The following PDGFC variants were observed in gnomAD, a reference collection of about 807,000 sequenced individuals.
PDGFC encodes platelet derived growth factor C.
In PDGFC, 12 loss-of-function variants were observed where a neutral mutation model predicts 35.5. The ratio of observed to expected loss-of-function variants is 0.34; its 90% CI spans 0.22 to 0.55. The LOEUF is 0.55. Among genes scored for constraint, PDGFC ranks in the 20% least tolerant of loss-of-function variants. The pLI, the probability that PDGFC is intolerant of heterozygous loss-of-function variation, is 0.91. For synonymous variants in PDGFC, 159 were observed against 148.8 expected (o/e 1.07, Z -0.50); for missense variants, 322 against 412.4 (o/e 0.78, Z 1.90).
intron 1 of PDGFC, among the ~76,000 whole-genome samples, chr4:156,865,023 C>T (rs1437401844): frequency 6.6e-6 from 1 of 152,072 alleles, no homozygotes; most frequent in Non-Finnish European, 1.5e-5. Flanking sequence ...AGTGTTCACA[C>T]AATAGAATAT....
intron 1 of PDGFC, among the ~76,000 whole-genome samples, chr4:156,926,934 T>A (rs1204225816): frequency 3.3e-5 from 5 of 152,192 alleles, no homozygotes; most frequent in African/African-American, 1.2e-4. Flanking sequence ...AGGTTCTCCA[T>A]GACAGCCCCA....
rs79032025 is a variant in PDGFC at position 156,786,483 on chromosome 4, G to A, written c.496-13590C>T. 8.8e-3 allele frequency among the ~76,000 whole-genome samples: 1,344 copies of A among 152,212 alleles called. 17 individuals carry two copies. Among genetic ancestry groups the A allele is most frequent in the Non-Finnish European group, 0.013 (882 of 68,012 alleles). ...GTGAGGAAGATTATCCCATGAATAT[G>A]GAATATCAGGGCAAATAATCTGTTT... On this transcript the variant is annotated intron_variant, in intron 3 of 5. Transcript: ENST00000502773.
At chr4:156,946,550 G>C (rs984674060) in intron 1 of PDGFC, among the ~76,000 whole-genome samples, 1 of 152,014 alleles carries the variant, frequency 6.6e-6, no homozygotes, top group Non-Finnish European at 1.5e-5. Context: ...CCTTTTCTGA[G>C]GTAATAGTGA....
chr4:156,938,757 TAA>T (rs1318032290), intron 1 of PDGFC, among the ~76,000 whole-genome samples: 1 of 151,810 alleles, frequency 6.6e-6, no homozygotes, highest in Non-Finnish European at 1.5e-5. Context: ...AGGAAAAATC[TAA>T]AAGTTATCTA....
intron 1 of PDGFC, among the ~76,000 whole-genome samples, chr4:156,964,517 GATT>G (rs1490852093): frequency 1.3e-5 from 2 of 150,728 alleles, no homozygotes; most frequent in African/African-American, 2.4e-5. Context: ...TGACTAATGT[GATT>G]ATTATGAGAT....
intron 1 of PDGFC, among the ~76,000 whole-genome samples, chr4:156,854,284 T>C (rs1462161102): frequency 6.6e-6 from 1 of 152,184 alleles, no homozygotes; most frequent in Non-Finnish European, 1.5e-5. Flanking sequence ...GGCATATAAT[T>C]GAGAAAACTA....
At chr4:156,870,700 G>C (rs750852000) in intron 1 of PDGFC, among the ~76,000 whole-genome samples, 7 of 152,122 alleles carry the variant, frequency 4.6e-5, no homozygotes, top group Non-Finnish European at 8.8e-5. Context: ...CTAAGCCGTT[G>C]ATGTATAAAC....
At chr4:156,897,064 TAAAG>T (rs780874232) in intron 1 of PDGFC, among the ~76,000 whole-genome samples, 1 of 152,090 alleles carries the variant, frequency 6.6e-6, no homozygotes, top group South Asian at 2.1e-4. Flanking sequence ...TTTGCAGTAA[TAAAG>T]AAATCTTAAA....
chr4:156,861,102 T>C (rs1729700058), intron 1 of PDGFC, among the ~76,000 whole-genome samples: 1 of 152,054 alleles, frequency 6.6e-6, no homozygotes, highest in Non-Finnish European at 1.5e-5. Flanking sequence ...CTCTAACATG[T>C]CAGAGAATAT....
intron 1 of PDGFC, among the ~76,000 whole-genome samples, chr4:156,917,393 T>A (rs1045320344): frequency 6.6e-6 from 1 of 152,214 alleles, no homozygotes; most frequent in Non-Finnish European, 1.5e-5. Context: ...ATAAGGCAGA[T>A]GGGCTTTATC....
At chr4:156,911,236 T>C (rs1731032216) in intron 1 of PDGFC, among the ~76,000 whole-genome samples, 1 of 152,146 alleles carries the variant, frequency 6.6e-6, no homozygotes, top group Non-Finnish European at 1.5e-5. Context: ...ATGTATTACA[T>C]CTCACTTAAA....
Position 156,815,811 on chromosome 4 carries a change from A to G in PDGFC, c.315-4794T>C, listed in dbSNP as rs970338599. Among the ~76,000 whole-genome samples, 30 of 152,292 alleles carry G rather than the reference A, an allele frequency of 2.0e-4. No individual in the cohort carries two copies. In the East Asian group the frequency reaches 5.6e-3, roughly 28 times the overall value. On this transcript the variant is annotated intron_variant, in intron 2 of 5. Transcript: ENST00000502773. The stretch of plus-strand genomic sequence containing the variant: ...CACAATTGGCCACGTCAGTATTTAA[A>G]GGATTTACTAAACCTATTTTATGAG...
intron 3 of PDGFC, among the ~76,000 whole-genome samples, chr4:156,799,217 C>T (rs1731530068): frequency 6.6e-6 from 1 of 152,136 alleles, no homozygotes; most frequent in Non-Finnish European, 1.5e-5. Context: ...AGGCATCAGC[C>T]AGGTATTTCC....
chr4:156,933,755 G>C (rs989733097), intron 1 of PDGFC, among the ~76,000 whole-genome samples: 4 of 152,062 alleles, frequency 2.6e-5, no homozygotes, highest in Admixed American at 6.6e-5. Flanking sequence ...TGTTGTTCTT[G>C]TGATAGAGAA....
At chr4:156,877,806 T>A (rs1730150565) in intron 1 of PDGFC, among the ~76,000 whole-genome samples, 1 of 152,124 alleles carries the variant, frequency 6.6e-6, no homozygotes, top group Non-Finnish European at 1.5e-5. Context: ...ACCCAACCTC[T>A]CCCCGGCAAC....
In PDGFC at chr4:156,778,941, C is replaced by T. The variant is rs72974657; in HGVS notation, c.496-6048G>A. The T allele has an allele frequency of 6.4e-3, 1,817 of 283,386 alleles. 23 individuals are homozygous for T. The highest frequency in any genetic ancestry group is 0.036 in the African/African-American group (1,630 of 45,112). 17.6% of individuals were successfully genotyped at this position (283,386 alleles called of 1,614,324 possible). A position where few individuals can be genotyped will look rare whatever the true frequency, so the allele number is the denominator to read the frequency against. On this transcript the variant is annotated intron_variant, in intron 3 of 5. Transcript: ENST00000502773. ...AGGAATGCAGATTAGGTTTTATTGT[C>T]GGAGTTAAAAATAAAACAATATTAT...
At chr4:156,966,705 G>A (rs1732474612) in intron 1 of PDGFC, among the ~76,000 whole-genome samples, 1 of 152,148 alleles carries the variant, frequency 6.6e-6, no homozygotes, top group South Asian at 2.1e-4. Context: ...AGAACTAGAG[G>A]TCGTAGAAGA....
At chr4:156,788,191 G>A (rs961606293) in intron 3 of PDGFC, among the ~76,000 whole-genome samples, 1 of 151,936 alleles carries the variant, frequency 6.6e-6, no homozygotes, top group African/African-American at 2.4e-5. Flanking sequence ...CTAAGCAAAT[G>A]CTGCAGTGAT....
chr4:156,906,713 G>A (rs1023552104), intron 1 of PDGFC, among the ~76,000 whole-genome samples: 1 of 152,160 alleles, frequency 6.6e-6, no homozygotes, highest in African/African-American at 2.4e-5. Flanking sequence ...GCTCTTACAA[G>A]AGCATTTCCT....
Sources: allele counts gnomAD v4.1 joint callset (sites outside exome capture counted in the v4.1 genomes callset), GRCh38; gene constraint gnomAD v4.1.1; transcripts MANE v1.5; gene names NCBI Gene and HGNC (gene_info 2026-07-23, HGNC 2026-07-21).